The following DAAM1 variants were observed in gnomAD, a reference collection of about 807,000 sequenced individuals.
DAAM1 encodes the protein disheveled-associated activator of morphogenesis 1.
In DAAM1, 52 loss-of-function variants were observed where a neutral mutation model predicts 130.0. That is an observed-to-expected ratio of 0.40 (90% confidence interval 0.32 to 0.50). The LOEUF is 0.50. Ranked by LOEUF, DAAM1 falls within the 20% of genes least tolerant of loss-of-function variation. The probability of loss-of-function intolerance (pLI) is 0.61; values close to 1 mark genes in which losing one functional copy is unlikely to be tolerated. For missense variants in DAAM1, 1,134 were observed against 1,303.8 expected (o/e 0.87, Z 2.01); for synonymous variants, 452 against 444.5 (o/e 1.02, Z -0.21).
intron 16 of DAAM1, among the ~76,000 whole-genome samples, chr14:59,343,668 A>G (rs1166103131): frequency 1.3e-5 from 2 of 152,174 alleles, no homozygotes; most frequent in African/African-American, 4.8e-5. Flanking sequence ...TATTTTACAA[A>G]TGTCAGTGGA....
chr14:59,339,027 G>T (rs901163689), intron 15 of DAAM1, among the ~76,000 whole-genome samples: 2 of 152,212 alleles, frequency 1.3e-5, no homozygotes, highest in African/African-American at 2.4e-5. Flanking sequence ...TTTGTAGTTT[G>T]TAGAACTGAT....
chr14:59,337,409 G>A (rs7143698), intron 15 of DAAM1, among the ~76,000 whole-genome samples: 35,913 of 152,086 alleles, frequency 0.24, 4,549 homozygotes, highest in African/African-American at 0.33. Flanking sequence ...TAGAGGAATT[G>A]TGTGAAACAG....
intron 2 of DAAM1, chr14:59,265,629 G>C (rs887737863): frequency 6.6e-6 from 1 of 152,220 alleles, no homozygotes; most frequent in Non-Finnish European, 1.5e-5. Flanking sequence ...AAGGTGAGAA[G>C]AAAAGTTGGG....
chr14:59,197,458 T>A (rs141515236), intron 1 of DAAM1, among the ~76,000 whole-genome samples: 3 of 152,218 alleles, frequency 2.0e-5, no homozygotes, highest in Non-Finnish European at 4.4e-5. Flanking sequence ...GACCGCACCA[T>A]GTTCTCAGAA....
chr14:59,330,158 A>G (rs1408924293), intron 12 of DAAM1, among the ~76,000 whole-genome samples: 1 of 152,250 alleles, frequency 6.6e-6, no homozygotes, highest in Non-Finnish European at 1.5e-5. Flanking sequence ...GTATTGCTAA[A>G]GGACCATTTT....
intron 5 of DAAM1, 152 bp downstream of exon 5, chr14:59,320,736 C>T (rs1185442879): frequency 3.8e-6 from 2 of 531,312 alleles, no homozygotes; most frequent in Non-Finnish European, 6.1e-6. Flanking sequence ...TTATTTTCTT[C>T]TGTGAAAAGG....
intron 24 of DAAM1, among the ~76,000 whole-genome samples, chr14:59,368,314 G>A (rs1040581014): frequency 6.6e-6 from 1 of 152,102 alleles, no homozygotes; most frequent in Non-Finnish European, 1.5e-5. Flanking sequence ...GTTATTTGGG[G>A]TCTATGTAAT....
At chr14:59,309,495 A>G (rs1884495326) in intron 3 of DAAM1, among the ~76,000 whole-genome samples, 1 of 152,240 alleles carries the variant, frequency 6.6e-6, no homozygotes. Flanking sequence ...AGCTTAATCT[A>G]GCACACAGGG....
intron 1 of DAAM1, among the ~76,000 whole-genome samples, chr14:59,261,724 A>G (rs1195264308): frequency 1.3e-5 from 2 of 152,308 alleles, no homozygotes; most frequent in South Asian, 2.1e-4. Context: ...TTACTTATTT[A>G]CGTAGTAGTG....
At chr14:59,216,558 T>C (rs1192210277) in intron 1 of DAAM1, among the ~76,000 whole-genome samples, 1 of 152,110 alleles carries the variant, frequency 6.6e-6, no homozygotes, top group Non-Finnish European at 1.5e-5. Flanking sequence ...TCTTCTCTAC[T>C]AAAAGTACAA....
intron 1 of DAAM1, among the ~76,000 whole-genome samples, chr14:59,245,726 T>C (rs951100342): frequency 2.0e-5 from 3 of 152,180 alleles, no homozygotes; most frequent in African/African-American, 4.8e-5. Flanking sequence ...AATGGTTTGG[T>C]AGCTTTTCCC....
At chr14:59,260,582 G>A (rs534539194) in intron 1 of DAAM1, among the ~76,000 whole-genome samples, 3 of 152,212 alleles carry the variant, frequency 2.0e-5, no homozygotes, top group Non-Finnish European at 4.4e-5. Context: ...TACCTTTTCT[G>A]TATAGTCCTT....
intron 1 of DAAM1, among the ~76,000 whole-genome samples, chr14:59,199,050 G>C (rs949557032): frequency 6.6e-6 from 1 of 152,158 alleles, no homozygotes; most frequent in African/African-American, 2.4e-5. Flanking sequence ...AGATCGGTGA[G>C]GGAGAACTCC....
rs762092796 is a variant in DAAM1, at chr14:59,359,516, C to A, written c.2633+12C>A. 3 of 1,594,802 alleles carry A rather than the reference C, an allele frequency of 1.9e-6. No homozygotes were observed. The highest frequency in any genetic ancestry group is 2.2e-5 in the South Asian group (2 of 90,602). Reference sequence around the variant, plus strand: ...GCTGCGAAAGTAAAGTAAGTACTTACAGTGAGTGTTAGTTTCTTAAATCAC... The same window carrying A: ...GCTGCGAAAGTAAAGTAAGTACTTAAAGTGAGTGTTAGTTTCTTAAATCAC... On this transcript the variant is annotated intron_variant, in intron 21 of 24. Transcript: ENST00000360909.
At chr14:59,242,462 ACTGATCTCTTAT>A (rs1881170984) in intron 1 of DAAM1, among the ~76,000 whole-genome samples, 2 of 152,344 alleles carry the variant, frequency 1.3e-5, no homozygotes, top group South Asian at 4.1e-4. Flanking sequence ...CTGGACAGTG[ACTGATCTCTTAT>A]AGAAGAGCTT....
chr14:59,326,432 G>T (rs1885206552), intron 10 of DAAM1, 78 bp from the exon 11 acceptor site: 2 of 1,444,540 alleles, frequency 1.4e-6, no homozygotes, highest in East Asian at 2.3e-5. Flanking sequence ...GCTTTAAAGG[G>T]TGACCACCAT....
chr14:59,346,125 A>G (rs916755007), intron 16 of DAAM1, among the ~76,000 whole-genome samples: 1 of 110,444 alleles, frequency 9.1e-6, no homozygotes, highest in African/African-American at 3.3e-5. Flanking sequence ...ATACAAACAC[A>G]ATCCCTTTTT....
chr14:59,216,704 A>G (rs1888591895), intron 1 of DAAM1, among the ~76,000 whole-genome samples: 1 of 151,990 alleles, frequency 6.6e-6, no homozygotes, highest in South Asian at 2.1e-4. Flanking sequence ...TGAGGGAGAG[A>G]GCGAGACTCT....
At chr14:59,288,169 A>G (rs1468225977) in intron 2 of DAAM1, among the ~76,000 whole-genome samples, 1 of 152,184 alleles carries the variant, frequency 6.6e-6, no homozygotes, top group Non-Finnish European at 1.5e-5. Flanking sequence ...CAAACAGTAA[A>G]GAAAGGACAT....
Sources: allele counts gnomAD v4.1 joint callset (sites outside exome capture counted in the v4.1 genomes callset), GRCh38; gene constraint gnomAD v4.1.1; transcripts MANE v1.5; gene names NCBI Gene and HGNC (gene_info 2026-07-23, HGNC 2026-07-21).